The following TNRC18 variants were observed in gnomAD, a reference collection of about 807,000 sequenced individuals.
TNRC18 encodes trinucleotide repeat-containing gene 18 protein.
TNRC18 carries 69 observed loss-of-function variants against 226.7 expected under a neutral mutation model. That is an observed-to-expected ratio of 0.30 (90% confidence interval 0.25 to 0.37). The LOEUF is 0.37. Among genes scored for constraint, TNRC18 ranks in the 10% least tolerant of loss-of-function variants. TNRC18 has a pLI of 1.00. For synonymous variants in TNRC18, 2,449 were observed against 1,927.6 expected, an observed-to-expected ratio of 1.27 and a Z score of -7.09; for missense variants, 4,754 against 4,256.6, an observed-to-expected ratio of 1.12 and a Z score of -3.25.
At chr7:5,412,615 AAAC>A (rs1385208351) in intron 2 of TNRC18, among the ~76,000 whole-genome samples, 3 of 152,142 alleles carry the variant, frequency 2.0e-5, no homozygotes, top group Admixed American at 6.5e-5. Context: ...AAAAAAATAA[AAAC>A]AAACCTCACA....
chr7:5,330,469 A>C (rs563580328), intron 19 of TNRC18, among the ~76,000 whole-genome samples: 4 of 146,340 alleles, frequency 2.7e-5, no homozygotes, highest in Non-Finnish European at 3.0e-5. Context: ...CAGTCTCAAA[A>C]CTCCTGGCCT....
At chr7:5,372,311 T>A (rs1184086282) in intron 10 of TNRC18, among the ~76,000 whole-genome samples, 1 of 150,920 alleles carries the variant, frequency 6.6e-6, no homozygotes, top group Non-Finnish European at 1.5e-5. Context: ...TCTCCTGACC[T>A]CGTGATCCGC....
chr7:5,364,521 A>T (rs1793425056), intron 11 of TNRC18, among the ~76,000 whole-genome samples: 1 of 146,040 alleles, frequency 6.8e-6, no homozygotes, highest in Non-Finnish European at 1.5e-5. Context: ...ACACGATCTC[A>T]GGCTGGGCAC....
intron 2 of TNRC18, among the ~76,000 whole-genome samples, chr7:5,418,730 G>A (rs1207665374): frequency 6.6e-6 from 1 of 152,242 alleles, no homozygotes; most frequent in Non-Finnish European, 1.5e-5. Context: ...AGGTGCGTCA[G>A]AAGGGAAAAT....
At chr7:5,400,246 C>G (rs1309054205) in intron 2 of TNRC18, among the ~76,000 whole-genome samples, 1 of 152,058 alleles carries the variant, frequency 6.6e-6, no homozygotes, top group Non-Finnish European at 1.5e-5. Flanking sequence ...CTCAGAGAAG[C>G]TAAAAGCACC....
At chr7:5,378,955 G>T (rs943440597) in intron 5 of TNRC18, among the ~76,000 whole-genome samples, 2 of 150,644 alleles carry the variant, frequency 1.3e-5, no homozygotes, top group Non-Finnish European at 3.0e-5. Flanking sequence ...GAGGCCGGGT[G>T]GGGGGGGCGG....
rs1306273130 is a variant in TNRC18, at chr7:5,389,164, G to A, written c.660C>T (p.Phe220=). The change falls in exon 5 of 30, where the codon TTC becomes TTT. Residue 220 remains phenylalanine, a synonymous_variant. Coordinates refer to ENST00000430969, the MANE Select transcript of TNRC18 (RefSeq NM_001080495.3). ...CCCGGGCGCGCGGGTCCTTCTTGCCGAAAAGCGGAGGCGGCTCCCCGCCGC... is the reference window on the plus strand; with the variant it reads ...CCCGGGCGCGCGGGTCCTTCTTGCCAAAAAGCGGAGGCGGCTCCCCGCCGC... ...AGRGGEPPPL[F]GKKDPRARGE... 6 of 1,324,206 alleles carry A rather than the reference G, an allele frequency of 4.5e-6. No individual in the cohort carries two copies. Among genetic ancestry groups the A allele is most frequent in the African/African-American group, 1.6e-5 (1 of 63,824 alleles). The allele number at this position is 1,324,206 out of a possible 1,614,324, so 82.0% of individuals were successfully genotyped here.
intron 18 of TNRC18, among the ~76,000 whole-genome samples, chr7:5,339,541 A>ATGTGTGTGTGTGTGTG (rs71536907): frequency 5.1e-5 from 7 of 137,164 alleles, no homozygotes; most frequent in African/African-American, 1.9e-4. Flanking sequence ...TGCCCAGCCA[A>ATGTGTGTGTGTGTGTG]TGTGTGTGTG....
At position 5,421,380 on chromosome 7, in the gene TNRC18, AGCGGGGCTTGCGCTCG is replaced by A. The variant is rs1410438990; in HGVS notation, c.-150_-135del. On this transcript the variant is annotated 5_prime_UTR_variant, in exon 2 of 30. An upstream open reading frame in the 5' UTR loses its in-frame stop. Transcript: ENST00000430969. The stretch of plus-strand genomic sequence containing the variant: ...CTCCGCGGCGTGCATGGCGGCGGCC[AGCGGGGCTTGCGCTCG>A]GCGGCGGGCCCGCGGCCCGGGGCGC... 1.1e-6 allele frequency: 1 copy of A among 884,836 alleles called. No homozygotes were observed. Among genetic ancestry groups the A allele is most frequent in the East Asian group, 4.1e-5 (1 of 24,544 alleles). 54.8% of individuals were successfully genotyped at this position (884,836 alleles called of 1,614,324 possible).
chr7:5,329,534 T>G (rs1300180346), intron 19 of TNRC18, among the ~76,000 whole-genome samples: 1 of 151,272 alleles, frequency 6.6e-6, no homozygotes, highest in Non-Finnish European at 1.5e-5. Context: ...AATACAAAAA[T>G]TAGCTGGGCA....
intron 5 of TNRC18, among the ~76,000 whole-genome samples, chr7:5,378,870 G>A (rs905264010): frequency 4.0e-4 from 61 of 151,680 alleles, no homozygotes; most frequent in African/African-American, 1.5e-3. Flanking sequence ...ACGCAGGCCT[G>A]TGTGTCCCAA....
rs762289560 is a variant in TNRC18 at position 5,377,803 on chromosome 7, C to G, written c.2255+119G>C. 523 of 1,088,116 alleles carry G rather than the reference C, an allele frequency of 4.8e-4. No homozygotes were observed. The highest frequency in any genetic ancestry group is 6.5e-4 in the Non-Finnish European group (488 of 746,238). 67.4% of individuals were successfully genotyped at this position (1,088,116 alleles called of 1,614,324 possible). On this transcript the variant is annotated intron_variant, in intron 6 of 29. Transcript: ENST00000430969. The surrounding 1 kb of genome is among the most constrained non-coding windows in gnomAD (Gnocchi z 5.8). ...GCTGAGGACCAGAGTGACTCCCGCT[C>G]TCAGTACCATAGCATCCATGGTCGA...
intron 10 of TNRC18, among the ~76,000 whole-genome samples, chr7:5,372,115 T>A (rs569966507): frequency 6.6e-6 from 1 of 151,468 alleles, no homozygotes; most frequent in Non-Finnish European, 1.5e-5. Context: ...TCACCCAGAC[T>A]GGAGTGCAGT....
rs367797708 is a variant in TNRC18, at chr7:5,377,430, G to A, written c.2402C>T (p.Thr801Met). ...GCCCGAGCGGGGCAACCAGGGGTGC[G>A]TGGCCAGATGGGCTGCGGGGTCGGC... Reference protein sequence around the residue: ...WSADPAAHLATHPWLPRSGNA... With the variant: ...WSADPAAHLAMHPWLPRSGNA... Residue 801 changes from threonine (T) to methionine (M), a missense_variant, in exon 7 of 30, where the codon ACG (threonine) becomes ATG (methionine). Thr to Met is a moderately conservative substitution (Grantham distance 81). Transcript: ENST00000430969. This position sits in a 1 kb window ranked among gnomAD's most constrained non-coding sequence, Gnocchi z 5.8. 78 of 1,595,500 alleles carry A rather than the reference G, an allele frequency of 4.9e-5. 1 individual carries two copies. Among genetic ancestry groups the A allele is most frequent in the Admixed American group, 1.2e-4 (7 of 57,498 alleles).
chr7:5,410,735 A>G (rs1480225344), intron 2 of TNRC18, among the ~76,000 whole-genome samples: 1 of 151,600 alleles, frequency 6.6e-6, no homozygotes, highest in Non-Finnish European at 1.5e-5. Flanking sequence ...GTGTGGTGGC[A>G]TAAGCCTATA....
At chr7:5,369,123 G>A (rs1226289792) in intron 11 of TNRC18, among the ~76,000 whole-genome samples, 1 of 152,098 alleles carries the variant, frequency 6.6e-6, no homozygotes, top group Non-Finnish European at 1.5e-5. Flanking sequence ...CAAGGCAGGC[G>A]GGTCACTTGA....
At chr7:5,379,791 G>A (rs1218579235) in intron 5 of TNRC18, among the ~76,000 whole-genome samples, 1 of 152,230 alleles carries the variant, frequency 6.6e-6, no homozygotes, top group Non-Finnish European at 1.5e-5. Flanking sequence ...TCGGCTCCCA[G>A]GTGCCATTCG....
At chr7:5,341,759 T>G (rs1442180878) in intron 18 of TNRC18, among the ~76,000 whole-genome samples, 1 of 60,466 alleles carries the variant, frequency 1.7e-5, no homozygotes, top group Admixed American at 2.4e-4. Flanking sequence ...CGAGACTCCG[T>G]CTCAAAAAAA....
Position 5,313,764 on chromosome 7 carries a change from G to A in TNRC18, c.7127C>T (p.Pro2376Leu). 3.2e-6 allele frequency: 5 copies of A among 1,552,066 alleles called. No individual in the cohort carries two copies. Among genetic ancestry groups the A allele is most frequent in the Non-Finnish European group, 4.3e-6 (5 of 1,149,852 alleles). ...GGCTCGCTTGTCCACAGGCTCTGGG[G>A]GGCTCTTCTTGGAACCTGGGGTGCT... ...PSSTPGSKKSPPEPVDKRAKA... is the reference protein window; with the variant it reads ...PSSTPGSKKSLPEPVDKRAKA... The change falls in exon 27 of 30, where the codon CCC (proline) becomes CTC (leucine). Residue 2376 changes from proline (P) to leucine (L), a missense_variant. Transcript: ENST00000430969.
Sources: allele counts gnomAD v4.1 joint callset (sites outside exome capture counted in the v4.1 genomes callset), GRCh38; gene constraint gnomAD v4.1.1; non-coding constraint Gnocchi (gnomAD v3.1); transcripts MANE v1.5; gene names NCBI Gene and HGNC (gene_info 2026-07-23, HGNC 2026-07-21).